The following KLHL4 variants were observed in gnomAD, a reference collection of about 807,000 sequenced individuals.
KLHL4 encodes the protein kelch-like protein 4.
KLHL4 carries 17 observed loss-of-function variants against 45.8 expected under a neutral mutation model. The observed-to-expected ratio is 0.37, with a 90% confidence interval of 0.25 to 0.56. The LOEUF (loss-of-function observed/expected upper bound fraction) is 0.56, where lower values mean the gene tolerates loss of function less well. Ranked by LOEUF, KLHL4 falls within the 20% of genes least tolerant of loss-of-function variation. The pLI, the probability that KLHL4 is intolerant of heterozygous loss-of-function variation, is 0.79. For synonymous variants in KLHL4, 224 were observed against 189.9 expected, an observed-to-expected ratio of 1.18 and a Z score of -1.47; for missense variants, 544 against 544.9, an observed-to-expected ratio of 1.00 and a Z score of 0.02.
intron 1 of KLHL4, among the ~76,000 whole-genome samples, chrX:87,525,262 A>G (rs757500433): frequency 9.0e-6 from 1 of 111,529 alleles, no homozygotes; most frequent in Non-Finnish European, 1.9e-5. Context: ...TGAGGATTCC[A>G]CGAACACTAA....
In KLHL4 at chrX:87,668,492, TG is replaced by T; in HGVS notation, c.*1960del. 1 of 753,167 alleles carries T rather than the reference TG, an allele frequency of 1.3e-6. No individual in the cohort carries two copies. Among genetic ancestry groups the T allele is most frequent in the Non-Finnish European group, 1.6e-6 (1 of 638,223 alleles). 62.1% of individuals were successfully genotyped at this position (753,167 alleles called of 1,213,427 possible). A position where few individuals can be genotyped will look rare whatever the true frequency, so the allele number is the denominator to read the frequency against. ...ACCCCTTCATAGCTGCATTTAAAAA[TG>T]GTGTTCAGGCCACTATGGCTGCTGT... On this transcript the variant is annotated 3_prime_UTR_variant, in exon 11 of 11. Coordinates refer to ENST00000373119, the MANE Select transcript of KLHL4 (RefSeq NM_019117.5).
intron 1 of KLHL4, among the ~76,000 whole-genome samples, chrX:87,536,741 G>GA (rs1342299406): frequency 2.7e-5 from 3 of 110,700 alleles, no homozygotes; most frequent in Admixed American, 1.9e-4. Context: ...ATACAAATCT[G>GA]AAAAAAATAT....
At chrX:87,519,029 AT>A (rs1444867333) in intron 1 of KLHL4, among the ~76,000 whole-genome samples, 1 of 111,603 alleles carries the variant, frequency 9.0e-6, no homozygotes, top group Non-Finnish European at 1.9e-5. Context: ...AAAACATTTG[AT>A]TTTGTCTTTA....
At chrX:87,606,301 T>C (rs1922194930) in intron 1 of KLHL4, among the ~76,000 whole-genome samples, 1 of 111,256 alleles carries the variant, frequency 9.0e-6, no homozygotes, top group Non-Finnish European at 1.9e-5. Context: ...TGGTATTAGT[T>C]GTTACTTAAA....
At chrX:87,550,912 AAAAGTTG>A (rs2147778532) in intron 1 of KLHL4, among the ~76,000 whole-genome samples, 1 of 111,230 alleles carries the variant, frequency 9.0e-6, no homozygotes, top group East Asian at 2.8e-4. Context: ...CTGAATGGGG[AAAAGTTG>A]AAAGCATCCT....
At chrX:87,659,951 C>T (rs929266977) in intron 9 of KLHL4, among the ~76,000 whole-genome samples, 29 of 82,385 alleles carry the variant, frequency 3.5e-4, no homozygotes, top group African/African-American at 1.2e-3. Flanking sequence ...TGTGTGTGTG[C>T]GCGTATGAGT....
intron 1 of KLHL4, among the ~76,000 whole-genome samples, chrX:87,594,176 A>T (rs905798597): frequency 1.3e-4 from 15 of 112,145 alleles, no homozygotes; most frequent in African/African-American, 4.5e-4. Context: ...CTGTTCAAGC[A>T]GTTAAATAAA....
chrX:87,587,729 C>G (rs143948748), intron 1 of KLHL4, among the ~76,000 whole-genome samples: 1,542 of 110,857 alleles, frequency 0.014, 29 homozygotes, highest in African/African-American at 0.047. Context: ...AGCTTTTTCT[C>G]TAGTATCTGG....
rs938933504 is a variant in KLHL4 at position 87,604,980 on chromosome X, G to T, written c.423-8897G>T. On this transcript the variant is annotated intron_variant, in intron 1 of 10. Transcript: ENST00000373119. ...GGCAGGATTCTAGTCTCATTCTCCT[G>T]CAGCTGGATATCCAATTTTCCCAAC... Among the ~76,000 whole-genome samples the T allele has an allele frequency of 8.1e-5, 9 of 110,951 alleles. No individual in the cohort carries two copies. The South Asian group carries it at 1.5e-3, about 19-fold the overall frequency.
At chrX:87,554,027 T>C (rs1931899734) in intron 1 of KLHL4, among the ~76,000 whole-genome samples, 1 of 107,419 alleles carries the variant, frequency 9.3e-6, no homozygotes, top group Non-Finnish European at 1.9e-5. Flanking sequence ...CAGATAATTG[T>C]AGATATGCGG....
At chrX:87,555,647 T>C in intron 1 of KLHL4, among the ~76,000 whole-genome samples, 1 of 106,767 alleles carries the variant, frequency 9.4e-6, no homozygotes, top group East Asian at 3.0e-4. Context: ...CTATCAATTT[T>C]GTTGATCCTT....
chrX:87,664,655 T>C, intron 9 of KLHL4, 109 bp from the exon 10 acceptor site: 1 of 500,416 alleles, frequency 2.0e-6, no homozygotes, highest in South Asian at 4.0e-5. Context: ...ATTTGTATAG[T>C]GTTTTTAATC....
chrX:87,617,849 A>G, intron 3 of KLHL4, 83 bp from the exon 4 acceptor site: 3 of 834,900 alleles, frequency 3.6e-6, no homozygotes, highest in East Asian at 3.3e-5. Flanking sequence ...TAGAGAGGAA[A>G]ATAAAAAAAA....
At position 87,669,562 on chromosome X, in the gene KLHL4, T is replaced by A; in HGVS notation, c.*3028T>A. The stretch of plus-strand genomic sequence containing the variant: ...ACTCTGGATTTTATTTTAAGTTCTC[T>A]AACAAGACTCCTACCTTGAGATCTT... On this transcript the variant is annotated 3_prime_UTR_variant, in exon 11 of 11. Transcript: ENST00000373119. 2.0e-6 allele frequency: 1 copy of A among 504,662 alleles called. No individual in the cohort carries two copies. 41.6% of individuals were successfully genotyped at this position (504,662 alleles called of 1,213,427 possible). A position where few individuals can be genotyped will look rare whatever the true frequency, so the allele number is the denominator to read the frequency against.
intron 9 of KLHL4, among the ~76,000 whole-genome samples, chrX:87,657,755 G>A (rs894303629): frequency 5.4e-5 from 6 of 111,543 alleles, no homozygotes; most frequent in African/African-American, 2.0e-4. Context: ...GTGCTGGGTT[G>A]TGGAACTCCC....
chrX:87,596,661 C>G (rs1357367417), intron 1 of KLHL4, among the ~76,000 whole-genome samples: 1 of 112,025 alleles, frequency 8.9e-6, no homozygotes, highest in East Asian at 2.8e-4. Flanking sequence ...GGATACATTA[C>G]CAGTTCCTTT....
At chrX:87,530,238 G>C (rs1237770265) in intron 1 of KLHL4, among the ~76,000 whole-genome samples, 1 of 109,851 alleles carries the variant, frequency 9.1e-6, no homozygotes, top group Non-Finnish European at 1.9e-5. Flanking sequence ...TTTTCTTCTA[G>C]GGTTTTTATG....
intron 9 of KLHL4, among the ~76,000 whole-genome samples, chrX:87,659,494 T>C (rs1422642320): frequency 9.0e-6 from 1 of 111,661 alleles, no homozygotes; most frequent in Non-Finnish European, 1.9e-5. Context: ...TTATTCTTAC[T>C]TCTGTTTCTT....
intron 1 of KLHL4, among the ~76,000 whole-genome samples, chrX:87,603,666 CATT>C (rs998597410): frequency 5.4e-5 from 6 of 110,324 alleles, no homozygotes; most frequent in African/African-American, 2.0e-4. Flanking sequence ...TTATATGCAT[CATT>C]ATTATGCATG....
Sources: allele counts gnomAD v4.1 joint callset (sites outside exome capture counted in the v4.1 genomes callset), GRCh38; gene constraint gnomAD v4.1.1; transcripts MANE v1.5; gene names NCBI Gene and HGNC (gene_info 2026-07-23, HGNC 2026-07-21).